GPHN: variants seen among roughly 807,000 people sequenced by gnomAD.
GPHN encodes the protein gephyrin.
A neutral mutation model predicts 95.5 loss-of-function variants in GPHN; 17 were observed. The observed-to-expected ratio is 0.18, with a 90% CI of 0.12 to 0.27. The LOEUF (loss-of-function observed/expected upper bound fraction) is 0.27, where lower values mean the gene tolerates loss of function less well. Among genes scored for constraint, GPHN ranks in the 10% least tolerant of loss-of-function variants. The pLI is 1.00. For synonymous variants in GPHN, 320 were observed against 322.5 expected (o/e 0.99, Z 0.08); for missense variants, 660 against 978.1 (o/e 0.67, Z 4.34).
chr14:67,185,301 C>A (rs149871907), downstream of GPHN, among the ~76,000 whole-genome samples: 2 of 152,226 alleles, frequency 1.3e-5, no homozygotes, highest in African/African-American at 4.8e-5. Flanking sequence ...ATTTAAGGAC[C>A]CTGGTGGCCC....
chr14:67,078,110 G>A (rs906660208), intron 11 of GPHN, among the ~76,000 whole-genome samples: 3 of 152,106 alleles, frequency 2.0e-5, no homozygotes, highest in African/African-American at 7.2e-5. Context: ...GACCATGAAA[G>A]CAGGACCATA....
chr14:67,185,106 CTG>C (rs1369415837), downstream of GPHN, among the ~76,000 whole-genome samples: 2 of 152,242 alleles, frequency 1.3e-5, no homozygotes, highest in Admixed American at 1.3e-4. Flanking sequence ...AAAATAGAAA[CTG>C]TGAACATGAA....
At position 66,508,263 on chromosome 14, in the gene GPHN, C is replaced by G; in HGVS notation, c.-265C>G. Reference sequence around the variant, plus strand: ...GCGCTCTCCCCGTGCGGCCACCGCGCCCCCCAAGCTTGCCTCCTTCTTGCC... The same window carrying G: ...GCGCTCTCCCCGTGCGGCCACCGCGGCCCCCAAGCTTGCCTCCTTCTTGCC... On this transcript the variant is annotated 5_prime_UTR_variant, in exon 1 of 23. Transcript: ENST00000478722. 2 of 566,578 alleles carry G rather than the reference C, an allele frequency of 3.5e-6. No homozygotes were observed. Among genetic ancestry groups the G allele is most frequent in the Non-Finnish European group, 6.3e-6 (2 of 316,500 alleles). The allele number at this position is 566,578 out of a possible 1,614,324, so 35.1% of individuals were successfully genotyped here.
the GPHN span, among the ~76,000 whole-genome samples, chr14:67,465,162 G>A: frequency 6.6e-6 from 1 of 152,358 alleles, no homozygotes; most frequent in African/African-American, 2.4e-5. Flanking sequence ...GGGCTTCCAG[G>A]CGCCAGGACT....
intron 3 of GPHN, among the ~76,000 whole-genome samples, chr14:66,808,053 A>G (rs1212713331): frequency 6.6e-6 from 1 of 152,222 alleles, no homozygotes; most frequent in East Asian, 1.9e-4. Flanking sequence ...CAGTATTGTC[A>G]ATCTTTTTCC....
At chr14:67,308,092 G>A in the GPHN span, among the ~76,000 whole-genome samples, 1 of 152,080 alleles carries the variant, frequency 6.6e-6, no homozygotes, top group African/African-American at 2.4e-5. Context: ...GTAGAGGGCA[G>A]GGGGAGGGAG....
chr14:66,639,810 T>C (rs57784045), intron 1 of GPHN, among the ~76,000 whole-genome samples: 24,560 of 152,004 alleles, frequency 0.16, 3,840 homozygotes, highest in East Asian at 0.45. Flanking sequence ...AATTGATTTA[T>C]AAGTTTATAC....
At chr14:67,599,892 G>C in the GPHN span, 1 of 685,182 alleles carries the variant, frequency 1.5e-6, no homozygotes, top group Non-Finnish European at 2.4e-6. Context: ...CAGAACCCGT[G>C]AGTTCCCGCC....
intron 11 of GPHN, among the ~76,000 whole-genome samples, chr14:67,076,787 T>C (rs1440942297): frequency 6.6e-6 from 1 of 152,196 alleles, no homozygotes; most frequent in East Asian, 1.9e-4. Flanking sequence ...CATTTTATAT[T>C]TGAAAGGCTT....
the GPHN span, chr14:67,578,018 C>T: frequency 6.2e-7 from 1 of 1,612,628 alleles, no homozygotes; most frequent in Non-Finnish European, 8.5e-7. This position sits in a 1 kb window ranked among gnomAD's most constrained non-coding sequence, Gnocchi z 5.0. Context: ...GCTGTTCCCT[C>T]CCAGTCCTGC....
At chr14:67,343,578 T>A in the GPHN span, 2 of 633,328 alleles carry the variant, frequency 3.2e-6, no homozygotes, top group Non-Finnish European at 5.5e-6. Context: ...AAAAACAAAA[T>A]TCTTAGGCTG....
At chr14:66,737,518 G>T (rs971138288) in intron 2 of GPHN, among the ~76,000 whole-genome samples, 5 of 151,924 alleles carry the variant, frequency 3.3e-5, no homozygotes, top group Admixed American at 6.6e-5. Context: ...TGGAGTTTTG[G>T]TTGTTTTTCT....
intron 3 of GPHN, 109 bp downstream of exon 3, chr14:66,776,630 T>A (rs2059391663): frequency 1.0e-5 from 8 of 772,012 alleles, no homozygotes; most frequent in Non-Finnish European, 1.7e-5. Flanking sequence ...TAGAATATTA[T>A]TTAATTCTCA....
intron 10 of GPHN, among the ~76,000 whole-genome samples, chr14:67,027,129 G>A (rs1013854969): frequency 3.9e-5 from 6 of 152,124 alleles, no homozygotes; most frequent in African/African-American, 9.7e-5. Context: ...TTATTACCAC[G>A]TGTTATCAGG....
chr14:66,780,082 A>G (rs2059550855), intron 3 of GPHN, among the ~76,000 whole-genome samples: 1 of 152,182 alleles, frequency 6.6e-6, no homozygotes, highest in Non-Finnish European at 1.5e-5. Flanking sequence ...TGTTTAGGGG[A>G]AATTGGAAAG....
chr14:67,287,796 G>C, the GPHN span, among the ~76,000 whole-genome samples: 1 of 152,168 alleles, frequency 6.6e-6, no homozygotes, highest in East Asian at 1.9e-4. Flanking sequence ...AAGGCTACAT[G>C]GCGTAGCAAA....
At chr14:66,554,951 A>T (rs1191392408) in intron 1 of GPHN, among the ~76,000 whole-genome samples, 2 of 152,224 alleles carry the variant, frequency 1.3e-5, no homozygotes. Context: ...GCCTTCATAT[A>T]TTCTAGTACC....
chr14:67,592,865 A>G, the GPHN span: 1 of 554,120 alleles, frequency 1.8e-6, no homozygotes, highest in Non-Finnish European at 3.3e-6. Context: ...GGCTCACTGC[A>G]ACCTCTACCT....
chr14:66,853,033 C>G (rs759779677), intron 4 of GPHN, among the ~76,000 whole-genome samples: 2 of 152,020 alleles, frequency 1.3e-5, no homozygotes, highest in African/African-American at 4.8e-5. Flanking sequence ...TCTGATATAC[C>G]TCAGGGTCTG....
Sources: gnomAD v4.1 joint callset for allele counts (sites outside exome capture counted in the v4.1 genomes callset) on GRCh38, gnomAD v4.1.1 for gene constraint, Gnocchi (gnomAD v3.1) non-coding constraint, MANE v1.5 for transcripts, NCBI Gene and HGNC (gene_info 2026-07-23, HGNC 2026-07-21) for gene names.